PDZD2: variants seen among roughly 807,000 people sequenced by gnomAD.
PDZD2 encodes the protein PDZ domain-containing protein 2.
A neutral mutation model predicts 220.7 loss-of-function variants in PDZD2; 90 were observed. The ratio of observed to expected loss-of-function variants is 0.41; its 90% CI spans 0.34 to 0.49. The LOEUF is 0.49. Among genes scored for constraint, PDZD2 ranks in the 20% least tolerant of loss-of-function variants. PDZD2 has a pLI of 0.28. For missense variants in PDZD2, 3,174 were observed against 3,608.5 expected, an observed-to-expected ratio of 0.88 and a Z score of 3.08; for synonymous variants, 1,375 against 1,450.5, an observed-to-expected ratio of 0.95 and a Z score of 1.18.
At chr5:31,725,347 A>G (rs2150151202) in intron 1 of PDZD2, among the ~76,000 whole-genome samples, 1 of 152,004 alleles carries the variant, frequency 6.6e-6, no homozygotes, top group Non-Finnish European at 1.5e-5. Context: ...TCAAAAAAAA[A>G]AAAAAAAAAA....
At chr5:31,795,310 A>G (rs1368038845) in intron 1 of PDZD2, among the ~76,000 whole-genome samples, 5 of 152,194 alleles carry the variant, frequency 3.3e-5, no homozygotes, top group Non-Finnish European at 4.4e-5. Context: ...CTTAGCTGAG[A>G]CAGGATCCAA....
intron 2 of PDZD2, among the ~76,000 whole-genome samples, chr5:31,864,519 C>T (rs1399875226): frequency 6.6e-6 from 1 of 152,002 alleles, no homozygotes. Context: ...ATTTGAATTG[C>T]ATCCTTTTTT....
chr5:31,921,378 T>TG (rs1744236083), intron 2 of PDZD2, among the ~76,000 whole-genome samples: 1 of 151,478 alleles, frequency 6.6e-6, no homozygotes, highest in South Asian at 2.1e-4. Flanking sequence ...GTTGTACAGG[T>TG]AAAAAAAAAC....
intron 6 of PDZD2, among the ~76,000 whole-genome samples, chr5:32,022,562 G>A (rs558053332): frequency 2.0e-5 from 3 of 152,114 alleles, no homozygotes; most frequent in African/African-American, 7.2e-5. Context: ...AAGGAGCCAT[G>A]TGCAATACTG....
chr5:31,816,008 G>T (rs905426614), intron 2 of PDZD2, among the ~76,000 whole-genome samples: 3 of 152,124 alleles, frequency 2.0e-5, no homozygotes, highest in Non-Finnish European at 2.9e-5. Context: ...CTGGGATTGG[G>T]CCGGGCGCAG....
At chr5:31,645,490 C>T (rs1467615705) in intron 1 of PDZD2, among the ~76,000 whole-genome samples, 2 of 152,098 alleles carry the variant, frequency 1.3e-5, no homozygotes, top group Admixed American at 1.3e-4. Context: ...GTGCGTGCCA[C>T]CACACCCAGC....
chr5:31,730,587 T>TG (rs1402923339), intron 1 of PDZD2, among the ~76,000 whole-genome samples: 60 of 102,382 alleles, frequency 5.9e-4, no homozygotes, highest in Admixed American at 1.8e-3. Flanking sequence ...TGTGTGTGTG[T>TG]GTGTGGTGTG....
At chr5:31,802,446 C>G (rs138958544) in intron 2 of PDZD2, among the ~76,000 whole-genome samples, 3 of 152,066 alleles carry the variant, frequency 2.0e-5, no homozygotes, top group African/African-American at 7.2e-5. Context: ...ATGGGCACTC[C>G]GAAAGAAATG....
At chr5:31,751,345 G>A (rs1334033375) in intron 1 of PDZD2, among the ~76,000 whole-genome samples, 1 of 152,052 alleles carries the variant, frequency 6.6e-6, no homozygotes, top group East Asian at 1.9e-4. Flanking sequence ...CAGTTAAGAG[G>A]CCCTTGCAGG....
At chr5:32,014,706 CTTTTTTTTTTTTT>C (rs556276502) in intron 6 of PDZD2, among the ~76,000 whole-genome samples, 4 of 95,430 alleles carry the variant, frequency 4.2e-5, no homozygotes, top group African/African-American at 1.7e-4. Context: ...ATGACAATTT[CTTTTTTTTTTTTT>C]TTTTTTTTTT....
At chr5:31,806,197 C>T (rs962830477) in intron 2 of PDZD2, among the ~76,000 whole-genome samples, 1 of 152,144 alleles carries the variant, frequency 6.6e-6, no homozygotes, top group Non-Finnish European at 1.5e-5. Flanking sequence ...GATGAGGACA[C>T]TCTGAGAACC....
intron 2 of PDZD2, among the ~76,000 whole-genome samples, chr5:31,811,046 CG>C (rs1252346101): frequency 1.3e-5 from 2 of 152,076 alleles, no homozygotes; most frequent in African/African-American, 4.8e-5. Context: ...CACAATGGCA[CG>C]ATCTTGGTTG....
intron 21 of PDZD2, among the ~76,000 whole-genome samples, chr5:32,097,046 C>A (rs917518034): frequency 6.6e-6 from 1 of 151,676 alleles, no homozygotes; most frequent in Non-Finnish European, 1.5e-5. Flanking sequence ...AGGCTGGACT[C>A]GAACTCTTGG....
intron 2 of PDZD2, among the ~76,000 whole-genome samples, chr5:31,915,405 A>G (rs1235010104): frequency 1.3e-5 from 2 of 152,102 alleles, no homozygotes; most frequent in Non-Finnish European, 2.9e-5. Flanking sequence ...CCCTGAGGCC[A>G]GGAGTCTCCT....
intron 2 of PDZD2, chr5:31,822,523 G>T: frequency 1.6e-6 from 1 of 609,996 alleles, no homozygotes; most frequent in Non-Finnish European, 2.9e-6. Context: ...GAAGCATCCG[G>T]CATCTTGTTT....
chr5:32,093,369 CCTAA>C (rs1265494505), intron 21 of PDZD2, among the ~76,000 whole-genome samples: 1 of 152,172 alleles, frequency 6.6e-6, no homozygotes, highest in Non-Finnish European at 1.5e-5. Context: ...CCTCTCGCCA[CCTAA>C]CTGTGGACAT....
At chr5:32,103,269 C>T (rs1387671540) in intron 24 of PDZD2, among the ~76,000 whole-genome samples, 1 of 152,040 alleles carries the variant, frequency 6.6e-6, no homozygotes, top group East Asian at 1.9e-4. Context: ...AAAAACAAGC[C>T]TTGTTAGGCA....
chr5:31,842,744 A>G (rs1452008264), intron 2 of PDZD2, among the ~76,000 whole-genome samples: 2 of 152,246 alleles, frequency 1.3e-5, no homozygotes, highest in Non-Finnish European at 2.9e-5. Context: ...TTAAGAAGTT[A>G]TAGAAGTCTT....
chr5:31,766,032 T>C (rs1354462293), intron 1 of PDZD2, among the ~76,000 whole-genome samples: 2 of 152,020 alleles, frequency 1.3e-5, no homozygotes, highest in East Asian at 1.9e-4. Flanking sequence ...TTACAAAAAT[T>C]AGCTGGGCAT....
Sources: allele counts gnomAD v4.1 joint callset (sites outside exome capture counted in the v4.1 genomes callset), GRCh38; gene constraint gnomAD v4.1.1; transcripts MANE v1.5; gene names NCBI Gene and HGNC (gene_info 2026-07-23, HGNC 2026-07-21).